Variants in PDE10A observed in about 807,000 individuals in gnomAD.
The protein encoded by PDE10A is phosphodiesterase 10A.
A neutral mutation model predicts 97.7 loss-of-function variants in PDE10A; 39 were observed. That is an observed-to-expected ratio of 0.40 (90% CI 0.31 to 0.52). PDE10A has a LOEUF of 0.52. PDE10A is among the 20% of genes least tolerant of loss of function. The pLI is 0.56. For synonymous variants in PDE10A, 371 were observed against 376.8 expected, an observed-to-expected ratio of 0.98 and a Z score of 0.18; for missense variants, 731 against 1,047.8, an observed-to-expected ratio of 0.70 and a Z score of 4.17.
intron 13 of PDE10A, among the ~76,000 whole-genome samples, chr6:165,412,714 C>G (rs1787966426): frequency 6.6e-6 from 1 of 152,036 alleles, no homozygotes; most frequent in Non-Finnish European, 1.5e-5. Flanking sequence ...ATGAGTTACA[C>G]GGTTACTCCT....
At position 165,388,236 on chromosome 6, in the gene PDE10A, A is replaced by G. The variant is rs577531598; in HGVS notation, c.2610+62T>C. ...TAATGATCTTCCTTTTCCACCTATG[A>G]AGTATCCCTATCTCCCAGACAGCCC... On this transcript the variant is annotated intron_variant, in intron 17 of 21. Coordinates refer to ENST00000539869, the MANE Select transcript of PDE10A (RefSeq NM_001385079.1). This position sits in a 1 kb window ranked among gnomAD's most constrained non-coding sequence, Gnocchi z 4.0. 6.7e-7 allele frequency: 1 copy of G among 1,490,568 alleles called. No individual in the cohort carries two copies. Among genetic ancestry groups the G allele is most frequent in the Non-Finnish European group, 9.3e-7 (1 of 1,072,184 alleles). 92.3% of individuals were successfully genotyped at this position (1,490,568 alleles called of 1,614,324 possible).
intron 2 of PDE10A, among the ~76,000 whole-genome samples, chr6:165,538,879 G>C (rs1783255341): frequency 6.6e-6 from 1 of 152,120 alleles, no homozygotes; most frequent in Non-Finnish European, 1.5e-5. Context: ...AGTAATCTGA[G>C]TCTTGAAGGG....
chr6:165,817,152 C>G (rs1042736430), intron 1 of PDE10A, among the ~76,000 whole-genome samples: 5 of 152,128 alleles, frequency 3.3e-5, no homozygotes, highest in African/African-American at 1.2e-4. Context: ...TCCTGCTGCT[C>G]TCTGCTTGCC....
intron 1 of PDE10A, among the ~76,000 whole-genome samples, chr6:165,619,151 CGTGTAGTGTAGTGTA>C (rs1168231237): frequency 8.5e-5 from 3 of 35,396 alleles, no homozygotes; most frequent in Admixed American, 2.5e-4. Flanking sequence ...AGTCTAGTGT[CGTGTAGTGTAGTGTA>C]GTGTAGTCTA....
intron 1 of PDE10A, among the ~76,000 whole-genome samples, chr6:165,848,863 G>C (rs111939591): frequency 6.6e-6 from 1 of 152,214 alleles, no homozygotes; most frequent in Non-Finnish European, 1.5e-5. Context: ...ATGAGGGCAA[G>C]GTGGGGCAGG....
chr6:165,829,886 G>C (rs2874944), intron 1 of PDE10A, among the ~76,000 whole-genome samples: 137,277 of 152,204 alleles, frequency 0.9, 61,968 homozygotes, highest in East Asian at 0.96. Context: ...GGCTGCCAGG[G>C]AACAGCACCA....
At chr6:165,926,446 A>G (rs1479386372) in intron 1 of PDE10A, among the ~76,000 whole-genome samples, 1 of 152,232 alleles carries the variant, frequency 6.6e-6, no homozygotes, top group Non-Finnish European at 1.5e-5. Context: ...TCTCAGAGGC[A>G]AAAGTTCTAT....
intron 3 of PDE10A, among the ~76,000 whole-genome samples, chr6:165,468,962 A>C (rs1399697312): frequency 3.3e-5 from 5 of 152,240 alleles, no homozygotes. Context: ...ACAGTCTAGC[A>C]TAGACTTGTG....
chr6:165,547,097 G>A (rs376647229), intron 1 of PDE10A, among the ~76,000 whole-genome samples: 1 of 152,098 alleles, frequency 6.6e-6, no homozygotes, highest in Non-Finnish European at 1.5e-5. Flanking sequence ...CCAGTAAATC[G>A]CACAGACAGA....
intron 1 of PDE10A, among the ~76,000 whole-genome samples, chr6:165,897,512 G>A (rs1173609023): frequency 1.3e-5 from 2 of 152,018 alleles, no homozygotes; most frequent in African/African-American, 2.4e-5. Context: ...GGAGGGGAAG[G>A]GATGGCTGTG....
chr6:165,751,469 C>T (rs1792999346), intron 1 of PDE10A, among the ~76,000 whole-genome samples: 1 of 152,174 alleles, frequency 6.6e-6, no homozygotes, highest in South Asian at 2.1e-4. Context: ...CTGTGCTGCT[C>T]ACATGCCTCC....
chr6:165,735,346 ATGGGTAGGTAGATAGGTGGG>A (rs1792547659), intron 1 of PDE10A, among the ~76,000 whole-genome samples: 1 of 144,510 alleles, frequency 6.9e-6, no homozygotes, highest in Admixed American at 6.9e-5. Context: ...TAGTAGATAG[ATGGGTAGGTAGATAGGTGGG>A]TGGGTAGGTA....
chr6:165,361,058 A>T (rs1783384801), intron 18 of PDE10A, among the ~76,000 whole-genome samples: 1 of 152,256 alleles, frequency 6.6e-6, no homozygotes, highest in South Asian at 2.1e-4. Flanking sequence ...GAAAAGGCAA[A>T]CAGATTAAAA....
intron 13 of PDE10A, among the ~76,000 whole-genome samples, chr6:165,402,949 A>G (rs1786782362): frequency 6.6e-6 from 1 of 152,182 alleles, no homozygotes; most frequent in African/African-American, 2.4e-5. Flanking sequence ...GAGTCACTTT[A>G]GGGTCGGGCA....
intron 18 of PDE10A, among the ~76,000 whole-genome samples, chr6:165,365,029 A>G (rs1783679209): frequency 6.6e-6 from 1 of 152,096 alleles, no homozygotes; most frequent in Non-Finnish European, 1.5e-5. Context: ...AAAATCCAAA[A>G]GTATAGTGAA....
rs1223408714 is a variant in PDE10A, at chr6:165,329,682, T to A, written c.*3343A>T. The A allele has an allele frequency of 6.6e-6, 1 of 151,918 alleles. No homozygotes were observed. Among genetic ancestry groups the A allele is most frequent in the Non-Finnish European group, 1.5e-5 (1 of 67,932 alleles). 9.4% of individuals were successfully genotyped at this position (151,918 alleles called of 1,614,324 possible). On this transcript the variant is annotated 3_prime_UTR_variant, in exon 22 of 22. Coordinates refer to ENST00000539869, the MANE Select transcript of PDE10A (RefSeq NM_001385079.1). ...TGAGATTTTACAAAATGAAAAAAAA[T>A]CTAAAAAGCATGCCAAAAAAGAGGA... is the stretch of plus-strand genomic sequence containing the variant.
intron 1 of PDE10A, among the ~76,000 whole-genome samples, chr6:165,962,808 C>T (rs1426696589): frequency 6.6e-6 from 1 of 152,196 alleles, no homozygotes; most frequent in East Asian, 1.9e-4. Context: ...ACCATGATCA[C>T]TCTCCTTGGG....
rs76103501 is a variant in PDE10A at position 165,809,826 on chromosome 6, C to T, written c.-615+177703G>A. ...CCCTGGAACGGGCGGCATCAGGGAT[C>T]GCAACACAATGCACAGCCTATGCAG... On this transcript the variant is annotated intron_variant, in intron 1 of 19. Coordinates refer to the PDE10A transcript ENST00000366882. Among the ~76,000 whole-genome samples, 715 of 152,300 alleles carry T rather than the reference C, an allele frequency of 4.7e-3. 6 individuals are homozygous for T. The East Asian group carries it at 0.05, about 11-fold the overall frequency.
At chr6:165,481,969 G>T (rs1779627263) in intron 3 of PDE10A, among the ~76,000 whole-genome samples, 1 of 152,200 alleles carries the variant, frequency 6.6e-6, no homozygotes, top group African/African-American at 2.4e-5. Flanking sequence ...ACCCTGGGAA[G>T]ACTGCTGCCC....
Sources: gnomAD v4.1 joint callset for allele counts (sites outside exome capture counted in the v4.1 genomes callset) on GRCh38, gnomAD v4.1.1 for gene constraint, Gnocchi (gnomAD v3.1) non-coding constraint, MANE v1.5 for transcripts, NCBI Gene and HGNC (gene_info 2026-07-23, HGNC 2026-07-21) for gene names.